TRMT5: variants seen among roughly 807,000 people sequenced by gnomAD.
TRMT5 encodes tRNA (guanine(37)-N(1))-methyltransferase.
In TRMT5, 31 loss-of-function variants were observed where a neutral mutation model predicts 42.2. That is an observed-to-expected ratio of 0.73 (90% CI 0.55 to 0.99). The LOEUF is 0.99. Among genes scored for constraint, TRMT5 ranks in the 50% least tolerant of loss-of-function variants. The pLI is 0.00. For synonymous variants in TRMT5, 198 were observed against 209.6 expected, an observed-to-expected ratio of 0.94 and a Z score of 0.48; for missense variants, 568 against 595.0, an observed-to-expected ratio of 0.95 and a Z score of 0.47.
rs1241272328 is a variant in TRMT5, at chr14:60,974,407, T to G, written c.*702A>C. The G allele has an allele frequency of 6.6e-6, 1 of 152,298 alleles. No individual in the cohort carries two copies. Among genetic ancestry groups the G allele is most frequent in the Non-Finnish European group, 1.5e-5 (1 of 68,028 alleles). The allele number at this position is 152,298 out of a possible 1,614,324, so 9.4% of individuals were successfully genotyped here. On this transcript the variant is annotated 3_prime_UTR_variant, in exon 5 of 5. Coordinates refer to ENST00000261249, the MANE Select transcript of TRMT5 (RefSeq NM_020810.3). ...GAATGGTCCCTGCGCAAGGATGACA[T>G]GCAAATTCGTGAAGCGTTCCATATT...
rs1461249827 is a variant in TRMT5 at position 60,979,687 on chromosome 14, C to T, written c.211G>A (p.Glu71Lys). The T allele has an allele frequency of 6.2e-7, 1 of 1,614,080 alleles. No individual in the cohort carries two copies. Among genetic ancestry groups the T allele is most frequent in the South Asian group, 1.1e-5 (1 of 91,068 alleles). ...PETETHERET[E>K]LFSPPSDVRG... ...ACATCAGAAGGTGGTGAAAACAATT[C>T]AGTCTCTCTCTCATGTGTTTCTGTT... The change falls in exon 2 of 5, where the codon GAA (glutamate) becomes AAA (lysine). Residue 71 changes from glutamate (E) to lysine (K), a missense_variant. Transcript: ENST00000261249.
chr14:60,978,848 G>C (rs964636294), intron 2 of TRMT5, among the ~76,000 whole-genome samples: 2 of 152,138 alleles, frequency 1.3e-5, no homozygotes, highest in Non-Finnish European at 2.9e-5. Flanking sequence ...GAAAGCATAA[G>C]TAAACATCTT....
chr14:60,972,480 G>A lies in TRMT5; in HGVS notation c.*2629C>T, dbSNP rs1316266974. The A allele has an allele frequency of 2.1e-5, 10 of 485,894 alleles. No individual in the cohort carries two copies. Among genetic ancestry groups the A allele is most frequent in the African/African-American group, 7.9e-5 (4 of 50,446 alleles). 30.1% of individuals were successfully genotyped at this position (485,894 alleles called of 1,614,324 possible). On this transcript the variant is annotated 3_prime_UTR_variant, in exon 5 of 5. Transcript: ENST00000261249. The stretch of plus-strand genomic sequence containing the variant: ...TCTCTTGGGCATGGCGGCGGCGGCG[G>A]CGGCGGGATGTGGGCACCGGGTGTG...
At position 60,975,019 on chromosome 14, in the gene TRMT5, TA is replaced by T; in HGVS notation, c.*89del. On this transcript the variant is annotated 3_prime_UTR_variant, in exon 5 of 5. Transcript: ENST00000261249. Reference sequence around the variant, plus strand: ...AAGGCAAAGTACAAGGGTTCAATAGTAAAAACCAAACCCTAAAATTTTATTA... The same window carrying T: ...AAGGCAAAGTACAAGGGTTCAATAGTAAAACCAAACCCTAAAATTTTATTA... The T allele has an allele frequency of 9.0e-7, 1 of 1,116,164 alleles. No homozygotes were observed. The highest frequency in any genetic ancestry group is 1.3e-6 in the Non-Finnish European group (1 of 793,046). The allele number at this position is 1,116,164 out of a possible 1,614,324, so 69.1% of individuals were successfully genotyped here.
chr14:60,980,647 G>C (rs1046013379), intron 1 of TRMT5, among the ~76,000 whole-genome samples: 2 of 152,166 alleles, frequency 1.3e-5, no homozygotes, highest in Admixed American at 6.5e-5. Flanking sequence ...CTTGTAAGGG[G>C]AAAGGGCCCT....
chr14:60,980,730 G>A, intron 1 of TRMT5: 1 of 632,590 alleles, frequency 1.6e-6, no homozygotes. Context: ...CAGCTGACCA[G>A]CTGGGTGACC....
chr14:60,976,099 A>G lies in TRMT5; in HGVS notation c.820T>C (p.Phe274Leu). The change falls in exon 4 of 5, where the codon TTT becomes CTT. Residue 274 changes from phenylalanine to leucine, a missense_variant. Transcript: ENST00000261249. ...TTCCAATAGACTTTTGAAAAATCAA[A>G]TTCATAGGTGTAGTTGTTTTCTCGA... is the stretch of plus-strand genomic sequence containing the variant. ...KVRENNYTYE[F>L]DFSKVYWNPR... 1.2e-6 allele frequency: 2 copies of G among 1,611,156 alleles called. No individual in the cohort carries two copies. Among genetic ancestry groups the G allele is most frequent in the Non-Finnish European group, 1.7e-6 (2 of 1,178,600 alleles).
rs140726721 is a variant in TRMT5 at position 60,976,872 on chromosome 14, C to T, written c.792+642G>A. On this transcript the variant is annotated intron_variant, in intron 3 of 4. Transcript: ENST00000261249. ...ACACCTTAAAAAACAGAAAATAAAA[C>T]TTAAGTTACAGTCATGAAGTATGAC... Among the ~76,000 whole-genome samples the T allele has an allele frequency of 3.7e-3, 563 of 152,204 alleles. 5 individuals carry two copies. Among genetic ancestry groups the T allele is most frequent in the African/African-American group, 0.012 (517 of 41,524 alleles).
intron 3 of TRMT5, among the ~76,000 whole-genome samples, chr14:60,977,219 T>C (rs991898205): frequency 3.3e-5 from 5 of 152,236 alleles, no homozygotes; most frequent in African/African-American, 4.8e-5. Flanking sequence ...TTGTCACTTA[T>C]ATTGCTTTCT....
Position 60,979,420 on chromosome 14 carries a change from C to A in TRMT5, c.478G>T (p.Glu160Ter). Residue 160 changes from glutamate (E) to a stop codon, truncating the protein, a stop_gained, in exon 2 of 5, where the codon GAG becomes TAG. Coordinates refer to ENST00000261249, the MANE Select transcript of TRMT5 (RefSeq NM_020810.3). LOFTEE classifies it high-confidence loss of function. ...ATCTGTGGACTGACATTAAGCTGCT[C>A]TAAAACACTGAGTTCTGCTTTCTCA... ...SFEKAELSVLEQLNVSPQISK... is the reference protein window; with the variant it reads ...SFEKAELSVL The A allele has an allele frequency of 6.2e-7, 1 of 1,614,112 alleles. No homozygotes were observed. The highest frequency in any genetic ancestry group is 1.1e-5 in the South Asian group (1 of 91,072).
intron 4 of TRMT5, 104 bp from the exon 5 acceptor site, chr14:60,975,298 A>T: frequency 7.7e-7 from 1 of 1,306,730 alleles, no homozygotes; most frequent in Non-Finnish European, 1.1e-6. Context: ...CAACTTAAAC[A>T]TGAAATAACA....
Position 60,972,271 on chromosome 14 carries a change from G to C in TRMT5, c.*2838C>G, listed in dbSNP as rs763438422. ...CACTTGGGATCTCCAGCACCTTCCC[G>C]CTCCTTGCCAGCATCAGCTTTTCTC... On this transcript the variant is annotated 3_prime_UTR_variant, in exon 5 of 5. Coordinates refer to ENST00000261249, the MANE Select transcript of TRMT5 (RefSeq NM_020810.3). 1 of 532,398 alleles carries C rather than the reference G, an allele frequency of 1.9e-6. No homozygotes were observed. The highest frequency in any genetic ancestry group is 3.7e-6 in the Non-Finnish European group (1 of 266,836). 33.0% of individuals were successfully genotyped at this position (532,398 alleles called of 1,614,324 possible). A position where few individuals can be genotyped will look rare whatever the true frequency, so the allele number is the denominator to read the frequency against.
At position 60,979,551 on chromosome 14, in the gene TRMT5, G is replaced by C. The variant is rs756750823; in HGVS notation, c.347C>G (p.Ala116Gly). The change falls in exon 2 of 5, where the codon GCA becomes GGA. Residue 116 changes from alanine to glycine, a missense_variant. Physicochemically the swap from Ala to Gly is moderately conservative, Grantham distance 60 (BLOSUM62 0). Coordinates refer to ENST00000261249, the MANE Select transcript of TRMT5 (RefSeq NM_020810.3). ...TCTTATGCCTGGGCGCTGCAATGCT[G>C]CCCTTTTTAGGGATCGCATCAATTT... is the stretch of plus-strand genomic sequence containing the variant. ...VSKLMRSLKR[A>G]ALQRPGIRRV... 1.6e-5 allele frequency: 26 copies of C among 1,613,988 alleles called. 3 individuals are homozygous for C. The South Asian group carries it at 2.5e-4, about 16-fold the overall frequency.
intron 3 of TRMT5, among the ~76,000 whole-genome samples, chr14:60,976,362 T>A (rs1050922057): frequency 6.6e-6 from 1 of 152,218 alleles, no homozygotes; most frequent in East Asian, 1.9e-4. Context: ...GTCATCTCTT[T>A]AAAGCCAAAT....
intron 3 of TRMT5, 129 bp from the exon 4 acceptor site, chr14:60,976,255 C>A: frequency 9.5e-7 from 1 of 1,056,746 alleles, no homozygotes; most frequent in South Asian, 1.7e-5. Context: ...AAGAGCCAAA[C>A]AACAGTGCAT....
At chr14:60,981,165 C>T (rs1171700128), upstream of TRMT5, 10 of 1,534,398 alleles carry the variant, frequency 6.5e-6, no homozygotes, top group African/African-American at 2.7e-5. Context: ...TGGTGAAGTA[C>T]GGAATGCCGG....
At chr14:60,980,865 C>A in intron 1 of TRMT5, 98 bp downstream of exon 1, 1 of 1,586,352 alleles carries the variant, frequency 6.3e-7, no homozygotes, top group South Asian at 1.1e-5. Context: ...GGTGACCTCG[C>A]GATGTTTCTG....
At position 60,979,877 on chromosome 14, in the gene TRMT5, C is replaced by G; in HGVS notation, c.21G>C (p.Trp7Cys). 6.5e-7 allele frequency: 1 copy of G among 1,533,458 alleles called. No individual in the cohort carries two copies. Among genetic ancestry groups the G allele is most frequent in the Non-Finnish European group, 8.7e-7 (1 of 1,149,386 alleles). 95.0% of individuals were successfully genotyped at this position (1,533,458 alleles called of 1,614,324 possible). The change falls in exon 2 of 5, where the codon TGG (tryptophan) becomes TGC (cysteine). Residue 7 changes from tryptophan (W) to cysteine (C), a missense_variant. By Grantham distance (215) the Trp-to-Cys change is radical. Coordinates refer to ENST00000261249, the MANE Select transcript of TRMT5 (RefSeq NM_020810.3). ...ATCTTCCTGAGAATCCAAATGGCCT[C>G]CATAAGATCCTTAAAAAAAAAAAAA... is the stretch of plus-strand genomic sequence containing the variant. MVLWIL[W>C]RPFGFSGRFL...
At position 60,972,460 on chromosome 14, in the gene TRMT5, T is replaced by G; in HGVS notation, c.*2649A>C. 7.8e-6 allele frequency: 4 copies of G among 515,434 alleles called. No homozygotes were observed. The Admixed American group carries it at 8.2e-5, about 11-fold the overall frequency. 31.9% of individuals were successfully genotyped at this position (515,434 alleles called of 1,614,324 possible). A position where few individuals can be genotyped will look rare whatever the true frequency, so the allele number is the denominator to read the frequency against. ...TTAGCATCCCCTTCAGTCTTTCTCT[T>G]GGGCATGGCGGCGGCGGCGGCGGCG... On this transcript the variant is annotated 3_prime_UTR_variant, in exon 5 of 5. Transcript: ENST00000261249.
Sources: allele counts gnomAD v4.1 joint callset (sites outside exome capture counted in the v4.1 genomes callset), GRCh38; gene constraint gnomAD v4.1.1; transcripts MANE v1.5; gene names NCBI Gene and HGNC (gene_info 2026-07-23, HGNC 2026-07-21).